The following GULP1 variants were observed in gnomAD, a reference collection of about 807,000 sequenced individuals.
GULP1 encodes the protein PTB domain-containing engulfment adapter protein 1.
Under a neutral mutation model 40.9 loss-of-function variants are expected in GULP1, and 19 were observed. The observed-to-expected ratio is 0.46, with a 90% CI of 0.32 to 0.68. The LOEUF is 0.68. Ranked by LOEUF, GULP1 falls within the 30% of genes least tolerant of loss-of-function variation. The probability of loss-of-function intolerance (pLI) is 0.03; values close to 1 mark genes in which losing one functional copy is unlikely to be tolerated. For missense variants in GULP1, 312 were observed against 362.2 expected, an observed-to-expected ratio of 0.86 and a Z score of 1.12; for synonymous variants, 119 against 117.6, an observed-to-expected ratio of 1.01 and a Z score of -0.08.
chr2:188,451,426 G>A (rs998614138), intron 2 of GULP1, among the ~76,000 whole-genome samples: 2 of 152,148 alleles, frequency 1.3e-5, no homozygotes, highest in African/African-American at 2.4e-5. Flanking sequence ...CTCTTTAAAA[G>A]AAAGTTTTTA....
intron 4 of GULP1, among the ~76,000 whole-genome samples, chr2:188,499,467 T>C (rs912645778): frequency 3.3e-5 from 5 of 151,592 alleles, no homozygotes; most frequent in African/African-American, 9.7e-5. Context: ...ATTACATATG[T>C]CATTTAGAGT....
chr2:188,475,367 A>G (rs2060925627), intron 2 of GULP1, among the ~76,000 whole-genome samples: 1 of 148,470 alleles, frequency 6.7e-6, no homozygotes, highest in African/African-American at 2.4e-5. Context: ...GTTTGCTCCA[A>G]TGAACTTTAT....
At chr2:188,378,075 C>CT (rs1395718212) in intron 1 of GULP1, among the ~76,000 whole-genome samples, 1 of 151,962 alleles carries the variant, frequency 6.6e-6, no homozygotes, top group Admixed American at 6.6e-5. Flanking sequence ...TCATTCAATA[C>CT]TTTAAGTGTT....
rs115227942 is a variant in GULP1, at chr2:188,589,957, A to C, written c.843+2008A>C. On this transcript the variant is annotated intron_variant, in intron 11 of 11. Coordinates refer to ENST00000409830, the MANE Select transcript of GULP1 (RefSeq NM_016315.4). The stretch of plus-strand genomic sequence containing the variant: ...TAGTCACTATTGCATTGTTCACTTC[A>C]TTGTTTCCTTTCTTTTCTTTTTTTT... 3 of 311,748 alleles carry C rather than the reference A, an allele frequency of 9.6e-6. No homozygotes were observed. The East Asian group carries it at 1.5e-4, about 15-fold the overall frequency. The allele number at this position is 311,748 out of a possible 1,614,324, so 19.3% of individuals were successfully genotyped here.
intron 4 of GULP1, among the ~76,000 whole-genome samples, chr2:188,522,374 A>G (rs955060365): frequency 3.3e-5 from 5 of 152,118 alleles, no homozygotes; most frequent in Admixed American, 6.5e-5. Context: ...AAATATAGTA[A>G]CAAAATACAA....
chr2:188,527,608 T>G (rs1686507847), intron 5 of GULP1, among the ~76,000 whole-genome samples: 1 of 152,158 alleles, frequency 6.6e-6, no homozygotes, highest in African/African-American at 2.4e-5. Context: ...ATTAGTTGTA[T>G]CGTGCAGCAG....
At chr2:188,545,547 A>G (rs1244163069) in intron 7 of GULP1, among the ~76,000 whole-genome samples, 2 of 151,930 alleles carry the variant, frequency 1.3e-5, no homozygotes, top group Non-Finnish European at 2.9e-5. Context: ...TATAGATAAA[A>G]TGTGAATCCA....
intron 1 of GULP1, among the ~76,000 whole-genome samples, chr2:188,326,252 C>CT (rs1452748490): frequency 9.9e-5 from 15 of 151,976 alleles, no homozygotes; most frequent in Non-Finnish European, 1.3e-4. Context: ...TCTGTGTAAG[C>CT]TTTAAGAGTT....
At chr2:188,491,035 C>T (rs1385186328) in intron 4 of GULP1, among the ~76,000 whole-genome samples, 5 of 151,834 alleles carry the variant, frequency 3.3e-5, no homozygotes, top group Admixed American at 6.6e-5. Context: ...TGAGCTCAAG[C>T]GATCCACCCA....
intron 6 of GULP1, 92 bp downstream of exon 6, chr2:188,529,287 G>A: frequency 1.5e-6 from 1 of 647,954 alleles, no homozygotes. Flanking sequence ...TTGCCACCCT[G>A]AACTGTTTAG....
chr2:188,567,820 A>C (rs1698119561), intron 7 of GULP1, among the ~76,000 whole-genome samples: 1 of 152,192 alleles, frequency 6.6e-6, no homozygotes, highest in Admixed American at 6.5e-5. Context: ...ACAGAAACCT[A>C]TTACCCAAAG....
rs183573379 is a variant in GULP1, at chr2:188,570,264, T to G, written c.609+144T>G. On this transcript the variant is annotated intron_variant, in intron 9 of 11. Transcript: ENST00000409830. ...ATAGAGATGAAGGCTGCTAAGCAGT[T>G]TAATTTAAAACTTAAAATTACCTAG... The G allele has an allele frequency of 3.7e-4, 193 of 526,380 alleles. No individual in the cohort carries two copies. The African/African-American group carries it at 3.7e-3, about 10-fold the overall frequency. 32.6% of individuals were successfully genotyped at this position (526,380 alleles called of 1,614,324 possible).
chr2:188,310,329 C>A (rs2037871687), intron 1 of GULP1, among the ~76,000 whole-genome samples: 2 of 152,010 alleles, frequency 1.3e-5, no homozygotes, highest in South Asian at 4.2e-4. Flanking sequence ...TTAAAATAGT[C>A]TCGATTAGAG....
intron 2 of GULP1, among the ~76,000 whole-genome samples, chr2:188,436,222 T>TTTTG (rs932716854): frequency 2.0e-5 from 3 of 152,080 alleles, no homozygotes; most frequent in Non-Finnish European, 4.4e-5. Flanking sequence ...TTGTTCCTGT[T>TTTTG]TTTGTTTGTT....
At chr2:188,544,076 C>A (rs1231336318) in intron 7 of GULP1, among the ~76,000 whole-genome samples, 1 of 152,014 alleles carries the variant, frequency 6.6e-6, no homozygotes, top group African/African-American at 2.4e-5. Flanking sequence ...TCTATACTTA[C>A]CAGGCAATAA....
At chr2:188,497,276 C>T (rs2062989314) in intron 4 of GULP1, among the ~76,000 whole-genome samples, 2 of 151,902 alleles carry the variant, frequency 1.3e-5, no homozygotes, top group African/African-American at 2.4e-5. Context: ...TAGTAAATTT[C>T]ATAAGTAATG....
At chr2:188,298,540 A>G (rs751113187) in intron 1 of GULP1, among the ~76,000 whole-genome samples, 1 of 152,132 alleles carries the variant, frequency 6.6e-6, no homozygotes, top group Non-Finnish European at 1.5e-5. Context: ...AACAATGGCT[A>G]TTGCTTTAAA....
intron 1 of GULP1, among the ~76,000 whole-genome samples, chr2:188,338,874 C>A (rs1446569158): frequency 6.6e-6 from 1 of 152,142 alleles, no homozygotes; most frequent in Non-Finnish European, 1.5e-5. Context: ...TTTGGCTACC[C>A]TTCCACTCTG....
intron 4 of GULP1, among the ~76,000 whole-genome samples, chr2:188,489,750 T>C (rs964637250): frequency 6.6e-6 from 1 of 152,066 alleles, no homozygotes; most frequent in Non-Finnish European, 1.5e-5. Context: ...CTTTCCCTTG[T>C]CCTCTCTACA....
Sources: gnomAD v4.1 joint callset for allele counts (sites outside exome capture counted in the v4.1 genomes callset) on GRCh38, gnomAD v4.1.1 for gene constraint, MANE v1.5 for transcripts, NCBI Gene and HGNC (gene_info 2026-07-23, HGNC 2026-07-21) for gene names.